The following CPM variants were observed in gnomAD, a reference collection of about 807,000 sequenced individuals.
CPM encodes carboxypeptidase M, also known as renal carboxypeptidase.
Under a neutral mutation model 46.4 loss-of-function variants are expected in CPM, and 35 were observed. That is an observed-to-expected ratio of 0.75 (90% confidence interval 0.58 to 1.00). CPM has a LOEUF of 1.00. Ranked by LOEUF, CPM falls within the 50% of genes least tolerant of loss-of-function variation. The pLI is 0.00. For synonymous variants in CPM, 195 were observed against 195.3 expected (o/e 1.00, Z 0.01); for missense variants, 422 against 530.4 (o/e 0.80, Z 2.01).
chr12:68,892,856 A>C (rs2136265462), intron 2 of CPM, among the ~76,000 whole-genome samples: 1 of 152,198 alleles, frequency 6.6e-6, no homozygotes, highest in Middle Eastern at 3.4e-3. Flanking sequence ...ACAAACAAAA[A>C]AACAAACCGA....
intron 8 of CPM, among the ~76,000 whole-genome samples, chr12:68,858,580 C>T (rs932938995): frequency 2.6e-5 from 4 of 151,968 alleles, no homozygotes; most frequent in Non-Finnish European, 5.9e-5. Flanking sequence ...GGTGTTGTGT[C>T]GTATCCTGGG....
chr12:68,846,122 T>G (rs1038722001), intron 5 of CPM: 1 of 152,170 alleles, frequency 6.6e-6, no homozygotes, highest in African/African-American at 2.4e-5. Context: ...TGGCTAATTT[T>G]TTTTGTATTT....
intron 2 of CPM, among the ~76,000 whole-genome samples, chr12:68,903,105 C>A (rs1387033564): frequency 2.0e-5 from 3 of 152,178 alleles, no homozygotes; most frequent in African/African-American, 7.2e-5. Flanking sequence ...TGTTAACAAA[C>A]GTTGTTAACA....
chr12:68,858,115 AAAT>A (rs1176374423), intron 8 of CPM, among the ~76,000 whole-genome samples: 3 of 152,228 alleles, frequency 2.0e-5, no homozygotes, highest in Non-Finnish European at 4.4e-5. Context: ...CCTCAAGATG[AAAT>A]AATAAAATAC....
intron 3 of CPM, among the ~76,000 whole-genome samples, chr12:68,874,073 C>G (rs61926281): frequency 6.6e-6 from 1 of 151,816 alleles, no homozygotes; most frequent in Non-Finnish European, 1.5e-5. Flanking sequence ...CCCAAAGTGC[C>G]GGGATTACTG....
At position 68,932,980 on chromosome 12, in the gene CPM, C is replaced by T. The variant is rs553163563; in HGVS notation, c.-3-140G>A. On this transcript the variant is annotated intron_variant, in intron 1 of 8. Coordinates refer to ENST00000551568, the MANE Select transcript of CPM (RefSeq NM_198320.5). ...CTCCTAAGGAGGCAAAAGCTGGAAG[C>T]AACACCTTCGGGAGTGAGCCGTGCA... The T allele has an allele frequency of 7.1e-5, 51 of 715,418 alleles. No individual in the cohort carries two copies. The African/African-American group carries it at 8.2e-4, about 12-fold the overall frequency. The allele number at this position is 715,418 out of a possible 1,614,324, so 44.3% of individuals were successfully genotyped here.
chr12:68,932,999 C>T, intron 1 of CPM, 143 bp downstream of exon 1: 2 of 616,364 alleles, frequency 3.2e-6, no homozygotes, highest in South Asian at 2.2e-5. Context: ...CGGGAGTGAG[C>T]CGTGCAACCA....
At chr12:68,889,638 G>T (rs561964478) in intron 2 of CPM, among the ~76,000 whole-genome samples, 15 of 152,238 alleles carry the variant, frequency 9.9e-5, no homozygotes, top group South Asian at 2.1e-4. Flanking sequence ...AGACCAGCTT[G>T]GGCAACACAG....
At chr12:68,937,831 A>G (rs1888696305), upstream of CPM, among the ~76,000 whole-genome samples, 1 of 152,232 alleles carries the variant, frequency 6.6e-6, no homozygotes, top group South Asian at 2.1e-4. Context: ...TTTAAATTGG[A>G]AAAACAATGA....
intron 2 of CPM, among the ~76,000 whole-genome samples, chr12:68,916,544 T>C (rs1390395257): frequency 1.3e-5 from 2 of 152,220 alleles, no homozygotes; most frequent in African/African-American, 2.4e-5. Context: ...GGTGTGTTTG[T>C]ATTTTCTCAC....
chr12:68,884,476 T>C (rs536746556), intron 3 of CPM, among the ~76,000 whole-genome samples: 245 of 152,244 alleles, frequency 1.6e-3, no homozygotes, highest in African/African-American at 5.6e-3. Flanking sequence ...GAAGGGTAGA[T>C]CCAGTTCCTA....
Position 68,901,966 on chromosome 12 carries a change from A to G in CPM, c.161-16077T>C, listed in dbSNP as rs1887133064. Among the ~76,000 whole-genome samples, 3 of 152,172 alleles carry G rather than the reference A, an allele frequency of 2.0e-5. No individual in the cohort carries two copies. In the South Asian group the frequency reaches 6.2e-4, roughly 32 times the overall value. On this transcript the variant is annotated intron_variant, in intron 2 of 8. Coordinates refer to ENST00000551568, the MANE Select transcript of CPM (RefSeq NM_198320.5). ...CACCTCTGTGTCACCCAGCCTGGGA[A>G]TGCCAACTGAGGAGCTCTACTTTAC...
At chr12:68,947,529 G>A (rs544944662) in intron 1 of CPM, among the ~76,000 whole-genome samples, 2 of 151,986 alleles carry the variant, frequency 1.3e-5, no homozygotes, top group African/African-American at 2.4e-5. Flanking sequence ...CCTGGGAGGC[G>A]GAGCTTGCAG....
Position 68,856,521 on chromosome 12 carries a change from G to A in CPM, c.1248C>T (p.Tyr416=), listed in dbSNP as rs761928271. ...CAGCTGAGTGGTCTGGCAAATTTCT[G>A]TATAGAGGAATCATTGGGCATGAAG... ...SNPSCPMIPL[Y]RNLPDHSAAT... The change falls in exon 9 of 9, where the codon TAC becomes TAT. Residue 416 remains tyrosine, a synonymous_variant. Coordinates refer to ENST00000551568, the MANE Select transcript of CPM (RefSeq NM_198320.5). The A allele has an allele frequency of 1.7e-4, 282 of 1,614,084 alleles. No homozygotes were observed. The highest frequency in any genetic ancestry group is 2.3e-4 in the Non-Finnish European group (270 of 1,180,022).
chr12:68,879,416 T>G (rs1397811203), intron 3 of CPM, among the ~76,000 whole-genome samples: 1 of 152,126 alleles, frequency 6.6e-6, no homozygotes, highest in Non-Finnish European at 1.5e-5. Flanking sequence ...CAGGCTGAAG[T>G]ACAGTGGTGT....
At position 68,855,675 on chromosome 12, in the gene CPM, A is replaced by G. The variant is rs1884930349; in HGVS notation, c.*762T>C. The stretch of plus-strand genomic sequence containing the variant: ...CTCCCTTCTTCTGAGAACTAATTAT[A>G]TATGGCACTTAATATCTATTCACAT... On this transcript the variant is annotated 3_prime_UTR_variant, in exon 9 of 9. Transcript: ENST00000551568. 1 of 151,386 alleles carries G rather than the reference A, an allele frequency of 6.6e-6. No homozygotes were observed. The highest frequency in any genetic ancestry group is 1.5e-5 in the Non-Finnish European group (1 of 67,942). The allele number at this position is 151,386 out of a possible 1,614,324, so 9.4% of individuals were successfully genotyped here. A position where few individuals can be genotyped will look rare whatever the true frequency, so the allele number is the denominator to read the frequency against.
chr12:68,887,457 C>A (rs1022450306), intron 2 of CPM, among the ~76,000 whole-genome samples: 1 of 152,160 alleles, frequency 6.6e-6, no homozygotes, highest in Admixed American at 6.5e-5. Context: ...TTATTTTCAA[C>A]ATTTATTCAT....
At chr12:68,885,969 A>T in intron 2 of CPM, 80 bp from the exon 3 acceptor site, 2 of 1,188,406 alleles carry the variant, frequency 1.7e-6, no homozygotes, top group Non-Finnish European at 2.4e-6. Context: ...ACTAGGAAAC[A>T]GGATGCTGCT....
intron 3 of CPM, among the ~76,000 whole-genome samples, chr12:68,880,973 C>T (rs967852345): frequency 6.6e-6 from 1 of 152,140 alleles, no homozygotes; most frequent in African/African-American, 2.4e-5. Context: ...GAACAATGAC[C>T]TTTGCAAGAA....
Sources: allele counts gnomAD v4.1 joint callset (sites outside exome capture counted in the v4.1 genomes callset), GRCh38; gene constraint gnomAD v4.1.1; transcripts MANE v1.5; gene names NCBI Gene and HGNC (gene_info 2026-07-23, HGNC 2026-07-21).